The following LRIF1 variants were observed in gnomAD, a reference collection of about 807,000 sequenced individuals.
LRIF1 encodes the protein ligand-dependent nuclear receptor-interacting factor 1.
Under a neutral mutation model 52.7 loss-of-function variants are expected in LRIF1, and 32 were observed. The ratio of observed to expected loss-of-function variants is 0.61; its 90% CI spans 0.46 to 0.82. The LOEUF is 0.82. LRIF1 is among the 40% of genes least tolerant of loss of function. The probability of loss-of-function intolerance (pLI) is 0.00; values close to 1 mark genes in which losing one functional copy is unlikely to be tolerated. For missense variants in LRIF1, 887 were observed against 892.0 expected (o/e 0.99, Z 0.07); for synonymous variants, 323 against 317.4 (o/e 1.02, Z -0.19).
chr1:110,959,736 CAAA>C (rs11320169), intron 1 of LRIF1, among the ~76,000 whole-genome samples: 2 of 56,358 alleles, frequency 3.5e-5, no homozygotes, highest in African/African-American at 8.0e-5. Context: ...GACTCCATCT[CAAA>C]AAAAAAAAAA....
chr1:110,961,990 T>C (rs554218494), intron 1 of LRIF1, among the ~76,000 whole-genome samples: 2 of 151,914 alleles, frequency 1.3e-5, no homozygotes, highest in Non-Finnish European at 2.9e-5. Context: ...AAATGACTTA[T>C]GAATGTAATT....
the LRIF1 span, chr1:110,899,258 C>T: frequency 2.6e-6 from 3 of 1,170,642 alleles, no homozygotes; most frequent in East Asian, 7.0e-5. Flanking sequence ...CCATTTATAG[C>T]ATGAAGCCCT....
Position 110,951,315 on chromosome 1 carries a change from C to A in LRIF1, c.1569G>T (p.Gln523His), listed in dbSNP as rs752757419. ...SVDATTVTSQ[Q>H]CVFRDQEPKI... ...TTGGTTCTTGGTCTCTGAAAACACA[C>A]TGTTGTGAAGTAACAGTTGTTGCAT... The change falls in exon 2 of 4, where the codon CAG becomes CAT. Residue 523 changes from glutamine (Q) to histidine (H), a missense_variant. Transcript: ENST00000369763. The A allele has an allele frequency of 3.5e-5, 57 of 1,613,384 alleles. No individual in the cohort carries two copies. The highest frequency in any genetic ancestry group is 4.7e-5 in the Non-Finnish European group (55 of 1,179,758).
At chr1:110,939,377 CAAAAAAAAAAAAA>C in the LRIF1 span, 1 of 60,678 alleles carries the variant, frequency 1.6e-5, no homozygotes, top group Non-Finnish European at 3.2e-5. Context: ...GACTCCGTCT[CAAAAAAAAAAAAA>C]AAAAAAAAGT....
At chr1:110,962,970 G>A (rs1449597836) in intron 1 of LRIF1, among the ~76,000 whole-genome samples, 1 of 150,544 alleles carries the variant, frequency 6.6e-6, no homozygotes, top group East Asian at 1.9e-4. Context: ...AACTTTACAA[G>A]AATATCTTCC....
chr1:110,909,610 C>T, the LRIF1 span, among the ~76,000 whole-genome samples: 74 of 104,086 alleles, frequency 7.1e-4, 1 homozygote, highest in South Asian at 0.025. Flanking sequence ...GACGGAGTTT[C>T]GCTCTTGTTG....
the LRIF1 span, among the ~76,000 whole-genome samples, chr1:110,918,032 G>C: frequency 5.9e-5 from 9 of 152,032 alleles, no homozygotes; most frequent in Non-Finnish European, 7.4e-5. Context: ...AAAATGCACT[G>C]AATGAAATTT....
the LRIF1 span, among the ~76,000 whole-genome samples, chr1:110,898,767 T>G: frequency 1.8e-4 from 27 of 152,222 alleles, no homozygotes; most frequent in Non-Finnish European, 7.4e-5. Context: ...GAGAAAATGA[T>G]TTTTCTCTGT....
the LRIF1 span, chr1:110,936,858 G>A: frequency 6.6e-6 from 1 of 152,012 alleles, no homozygotes; most frequent in Non-Finnish European, 1.5e-5. Flanking sequence ...CAACTATAAA[G>A]ACACATATAG....
chr1:110,947,002 A>G (rs1658227137), downstream of LRIF1, among the ~76,000 whole-genome samples: 1 of 151,930 alleles, frequency 6.6e-6, no homozygotes, highest in South Asian at 2.1e-4. Flanking sequence ...CCTTTAAGAG[A>G]CAGGGTCTCA....
At chr1:110,901,477 C>T in the LRIF1 span, among the ~76,000 whole-genome samples, 7 of 115,900 alleles carry the variant, frequency 6.0e-5, no homozygotes, top group African/African-American at 1.3e-4. Context: ...CGCACCCGGC[C>T]TTTTTTTTTT....
chr1:110,949,816 T>G (rs371056061), intron 3 of LRIF1, 35 bp downstream of exon 3: 2 of 1,575,870 alleles, frequency 1.3e-6, no homozygotes, highest in African/African-American at 2.7e-5. Context: ...TCATTTGTAG[T>G]ACCTATGAAG....
chr1:110,911,202 A>T, the LRIF1 span, among the ~76,000 whole-genome samples: 1 of 152,128 alleles, frequency 6.6e-6, no homozygotes, highest in Admixed American at 6.5e-5. Context: ...AAAAACCTGG[A>T]GACTATTATG....
chr1:110,952,382 G>A lies in LRIF1; in HGVS notation c.502C>T (p.Gln168Ter). Residue 168 changes from glutamine (Q) to a stop codon, truncating the protein, a stop_gained, in exon 2 of 4, where the codon CAG becomes TAG. Coordinates refer to ENST00000369763, the MANE Select transcript of LRIF1 (RefSeq NM_018372.4). LOFTEE classifies it high-confidence loss of function. ...GACTTCACAGTCACTGGAAGACTCT[G>A]GGTATTAACTACAATAAAAGATGAG... is the stretch of plus-strand genomic sequence containing the variant. ...KDSSFIVVNT[Q>*]SLPVTVKSPV... The A allele has an allele frequency of 1.9e-6, 3 of 1,613,964 alleles. No homozygotes were observed. The highest frequency in any genetic ancestry group is 2.5e-6 in the Non-Finnish European group (3 of 1,179,860).
chr1:110,906,442 G>GCTC, the LRIF1 span, among the ~76,000 whole-genome samples: 1 of 152,104 alleles, frequency 6.6e-6, no homozygotes, highest in Non-Finnish European at 1.5e-5. Context: ...TCTTCAGGAA[G>GCTC]GTGAGGCAGG....
At chr1:110,950,490 A>T (rs939381574) in intron 2 of LRIF1, among the ~76,000 whole-genome samples, 1 of 152,196 alleles carries the variant, frequency 6.6e-6, no homozygotes, top group African/African-American at 2.4e-5. Context: ...TGTATTGAAC[A>T]ATCAGAATTT....
chr1:110,921,885 G>T, the LRIF1 span, among the ~76,000 whole-genome samples: 1 of 152,132 alleles, frequency 6.6e-6, no homozygotes, highest in Non-Finnish European at 1.5e-5. Flanking sequence ...ACAAACTTGT[G>T]TTATGAGGGT....
At chr1:110,894,696 G>T in the LRIF1 span, among the ~76,000 whole-genome samples, 1 of 152,142 alleles carries the variant, frequency 6.6e-6, no homozygotes, top group African/African-American at 2.4e-5. Flanking sequence ...CCTAAGGATA[G>T]CCCTTGCTTT....
chr1:110,963,450 A>G (rs528671885), intron 1 of LRIF1, 171 bp downstream of exon 1: 3 of 496,502 alleles, frequency 6.0e-6, no homozygotes, highest in East Asian at 6.2e-5. Context: ...CCCAGAGGAA[A>G]GCGCTCTATG....
Sources: gnomAD v4.1 joint callset for allele counts (sites outside exome capture counted in the v4.1 genomes callset) on GRCh38, gnomAD v4.1.1 for gene constraint, MANE v1.5 for transcripts, NCBI Gene and HGNC (gene_info 2026-07-23, HGNC 2026-07-21) for gene names.